The following HEMK2 variants were observed in gnomAD, a reference collection of about 807,000 sequenced individuals.
HEMK2 encodes the protein methyltransferase HEMK2.
the HEMK2 span, among the ~76,000 whole-genome samples, chr21:28,685,646 T>C: frequency 5.3e-5 from 8 of 152,238 alleles, no homozygotes; most frequent in South Asian, 1.5e-3. Context: ...CAAAGCCGGA[T>C]GCTAAAGAGG....
chr21:28,871,474 T>C, the HEMK2 span, among the ~76,000 whole-genome samples: 4 of 152,188 alleles, frequency 2.6e-5, 1 homozygote, highest in Middle Eastern at 6.3e-3. Flanking sequence ...CCTCTCACCA[T>C]GCACCTCCTC....
At chr21:28,696,642 C>T in the HEMK2 span, among the ~76,000 whole-genome samples, 1 of 152,168 alleles carries the variant, frequency 6.6e-6, no homozygotes, top group East Asian at 1.9e-4. Flanking sequence ...CTCCTCTAAG[C>T]AGTGTCCCAG....
chr21:28,833,596 TC>T, the HEMK2 span, among the ~76,000 whole-genome samples: 1 of 152,254 alleles, frequency 6.6e-6, no homozygotes, highest in African/African-American at 2.4e-5. Context: ...CCTTTTTGGC[TC>T]TACCATTTTG....
the HEMK2 span, among the ~76,000 whole-genome samples, chr21:28,831,671 GAAA>G: frequency 2.0e-4 from 12 of 59,304 alleles, no homozygotes; most frequent in South Asian, 6.7e-4. Context: ...AAGAAAGAAA[GAAA>G]GAAAGAAAGA....
the HEMK2 span, among the ~76,000 whole-genome samples, chr21:28,575,845 T>C: frequency 3.3e-5 from 5 of 152,170 alleles, no homozygotes; most frequent in Admixed American, 6.5e-5. Flanking sequence ...GAGAACCACA[T>C]AGTATGTTCT....
the HEMK2 span, among the ~76,000 whole-genome samples, chr21:28,619,904 T>C: frequency 6.6e-6 from 1 of 152,190 alleles, no homozygotes; most frequent in Non-Finnish European, 1.5e-5. Flanking sequence ...TCTAAGGAAA[T>C]GTCTCTTAAA....
chr21:28,625,055 T>C, the HEMK2 span, among the ~76,000 whole-genome samples: 1 of 152,350 alleles, frequency 6.6e-6, no homozygotes, highest in Non-Finnish European at 1.5e-5. Flanking sequence ...TTTTTACAAA[T>C]CCTCAGCCTT....
At chr21:28,753,687 T>C in the HEMK2 span, among the ~76,000 whole-genome samples, 2 of 152,230 alleles carry the variant, frequency 1.3e-5, no homozygotes, top group Non-Finnish European at 1.5e-5. Context: ...GTTAGCCATA[T>C]ACAGTAATGT....
chr21:28,613,454 A>T, the HEMK2 span, among the ~76,000 whole-genome samples: 1 of 152,020 alleles, frequency 6.6e-6, no homozygotes, highest in African/African-American at 2.4e-5. Context: ...TCAATTAAAT[A>T]AAATAAAATA....
the HEMK2 span, among the ~76,000 whole-genome samples, chr21:28,794,409 C>T: frequency 2.6e-5 from 4 of 152,234 alleles, no homozygotes; most frequent in South Asian, 8.3e-4. Flanking sequence ...AATTTCATGT[C>T]CAGTTGGGAC....
the HEMK2 span, among the ~76,000 whole-genome samples, chr21:28,834,851 G>T: frequency 6.6e-6 from 1 of 152,072 alleles, no homozygotes; most frequent in Non-Finnish European, 1.5e-5. Context: ...CGGGAGCTGG[G>T]TGAGGCCTGT....
the HEMK2 span, among the ~76,000 whole-genome samples, chr21:28,855,275 A>G: frequency 6.6e-6 from 1 of 152,248 alleles, no homozygotes. Context: ...AAAGAATTAC[A>G]TAAGGGTAAA....
chr21:28,822,401 T>C, the HEMK2 span, among the ~76,000 whole-genome samples: 1 of 152,148 alleles, frequency 6.6e-6, no homozygotes, highest in Non-Finnish European at 1.5e-5. Flanking sequence ...ACACATCATA[T>C]GAAATAGTAA....
chr21:28,802,132 A>T, the HEMK2 span, among the ~76,000 whole-genome samples: 1 of 152,186 alleles, frequency 6.6e-6, no homozygotes, highest in Non-Finnish European at 1.5e-5. Flanking sequence ...GCAAGTGCCT[A>T]GCAATAGGGA....
At chr21:28,734,464 G>T in the HEMK2 span, among the ~76,000 whole-genome samples, 1 of 152,158 alleles carries the variant, frequency 6.6e-6, no homozygotes, top group Non-Finnish European at 1.5e-5. Flanking sequence ...GTGAAAAGGT[G>T]AGTTGGTAAA....
At chr21:28,725,259 T>C in the HEMK2 span, among the ~76,000 whole-genome samples, 2 of 152,176 alleles carry the variant, frequency 1.3e-5, no homozygotes. Flanking sequence ...TCCATGTAAG[T>C]AAGTGACTTA....
At chr21:28,689,344 A>G in the HEMK2 span, among the ~76,000 whole-genome samples, 8 of 152,210 alleles carry the variant, frequency 5.3e-5, no homozygotes, top group African/African-American at 7.2e-5. Context: ...TCAAGAATTT[A>G]CTTTTTTATA....
the HEMK2 span, among the ~76,000 whole-genome samples, chr21:28,701,769 C>T: frequency 6.6e-6 from 1 of 152,088 alleles, no homozygotes; most frequent in African/African-American, 2.4e-5. Flanking sequence ...AAGCAATTTA[C>T]AGATTCAATG....
the HEMK2 span, among the ~76,000 whole-genome samples, chr21:28,632,925 G>C: frequency 6.6e-6 from 1 of 152,176 alleles, no homozygotes; most frequent in Non-Finnish European, 1.5e-5. Flanking sequence ...TTCTCCTGCT[G>C]CAAGTGGCTT....
Sources: allele counts gnomAD v4.1 joint callset (sites outside exome capture counted in the v4.1 genomes callset), GRCh38; gene constraint gnomAD v4.1.1; transcripts MANE v1.5; gene names NCBI Gene and HGNC (gene_info 2026-07-23, HGNC 2026-07-21).